Variants in SF1 observed in about 807,000 individuals in gnomAD.
SF1 encodes splicing factor 1.
A neutral mutation model predicts 62.5 loss-of-function variants in SF1; 7 were observed. That is an observed-to-expected ratio of 0.11 (90% CI 0.06 to 0.21). SF1 has a LOEUF of 0.21. Ranked by LOEUF, SF1 falls within the 10% of genes least tolerant of loss-of-function variation. SF1 has a pLI of 1.00. For missense variants in SF1, 578 were observed against 884.0 expected, an observed-to-expected ratio of 0.65 and a Z score of 4.39; for synonymous variants, 394 against 323.6, an observed-to-expected ratio of 1.22 and a Z score of -2.33.
intron 1 of SF1, chr11:64,778,103 G>T: frequency 1.1e-6 from 1 of 910,216 alleles, no homozygotes; most frequent in Non-Finnish European, 1.3e-6. Flanking sequence ...CTGCGGCGGC[G>T]GGTACGAGGC....
intron 3 of SF1, chr11:64,772,435 T>C: frequency 3.0e-6 from 3 of 985,264 alleles, no homozygotes; most frequent in Non-Finnish European, 3.6e-6. Flanking sequence ...AGAGTCAATA[T>C]GGAGAAACAA....
chr11:64,766,270 G>A (rs1446931350), intron 12 of SF1, 115 bp from the exon 13 acceptor site: 6 of 584,172 alleles, frequency 1.0e-5, no homozygotes, highest in South Asian at 4.0e-5. Flanking sequence ...CATGCGGTAC[G>A]GTGGTGGGGG....
intron 8 of SF1, among the ~76,000 whole-genome samples, chr11:64,768,718 C>T (rs1937776486): frequency 6.6e-6 from 1 of 152,240 alleles, no homozygotes; most frequent in Admixed American, 6.5e-5. Context: ...GGTCAGAAAT[C>T]TGTAGAGATT....
Position 64,765,209 on chromosome 11 carries a change from AAGG to A in SF1, c.*606_*608del. The A allele has an allele frequency of 2.4e-6, 1 of 413,538 alleles. No homozygotes were observed. Among genetic ancestry groups the A allele is most frequent in the Admixed American group, 4.2e-5 (1 of 23,818 alleles). The allele number at this position is 413,538 out of a possible 1,614,324, so 25.6% of individuals were successfully genotyped here. A position where few individuals can be genotyped will look rare whatever the true frequency, so the allele number is the denominator to read the frequency against. ...TTTGCTCCCCTCTCCTTGGTAAGGGAAGGAGAACTGGAGAGAAGGGAAAGGAAT... is the reference window on the plus strand; with the variant it reads ...TTTGCTCCCCTCTCCTTGGTAAGGGAAGAACTGGAGAGAAGGGAAAGGAAT... On this transcript the variant is annotated 3_prime_UTR_variant, in exon 13 of 13. Coordinates refer to ENST00000377390, the MANE Select transcript of SF1 (RefSeq NM_004630.4).
chr11:64,775,946 A>G (rs1172821145), intron 2 of SF1: 1 of 156,250 alleles, frequency 6.4e-6, no homozygotes, highest in Non-Finnish European at 1.4e-5. Context: ...CAAACCAGAA[A>G]AGATGTTGAA....
At chr11:64,767,124 G>T in intron 11 of SF1, 45 bp from the exon 12 acceptor site, 1 of 1,611,732 alleles carries the variant, frequency 6.2e-7, no homozygotes, top group East Asian at 2.2e-5. Flanking sequence ...GGAAAGGCGG[G>T]GACTTGGGCC....
In SF1 at chr11:64,767,004, G is replaced by A; in HGVS notation, c.1478C>T (p.Pro493Leu). The change falls in exon 12 of 13, where the codon CCC becomes CTC. Residue 493 changes from proline (P) to leucine (L), a missense_variant. Transcript: ENST00000377390. ...TTGCCATGGGGGAAGAGGACCAGAGGGAGGGGGTGGGGGCTGCCCACTGGG... is the reference window on the plus strand; with the variant it reads ...TTGCCATGGGGGAAGAGGACCAGAGAGAGGGGGTGGGGGCTGCCCACTGGG... ...PPPSGQPPPP[P>L]SGPLPPWQQQ... 4 of 1,532,402 alleles carry A rather than the reference G, an allele frequency of 2.6e-6. No homozygotes were observed. Among genetic ancestry groups the A allele is most frequent in the South Asian group, 1.3e-5 (1 of 77,810 alleles). 94.9% of individuals were successfully genotyped at this position (1,532,402 alleles called of 1,614,324 possible). A position where few individuals can be genotyped will look rare whatever the true frequency, so the allele number is the denominator to read the frequency against.
In SF1 at chr11:64,765,413, T is replaced by C. The variant is rs2058572474; in HGVS notation, c.*405A>G. The C allele has an allele frequency of 7.5e-6, 11 of 1,458,360 alleles. No individual in the cohort carries two copies. Among genetic ancestry groups the C allele is most frequent in the South Asian group, 2.3e-5 (2 of 87,768 alleles). The allele number at this position is 1,458,360 out of a possible 1,614,324, so 90.3% of individuals were successfully genotyped here. A position where few individuals can be genotyped will look rare whatever the true frequency, so the allele number is the denominator to read the frequency against. On this transcript the variant is annotated 3_prime_UTR_variant, in exon 13 of 13. Transcript: ENST00000377390. ...CTCAGGCTGCTTTGCCGAACCATCC[T>C]GTCCACCAGGGGCGTTGCTGAGGCT...
chr11:64,778,114 G>A (rs2136001244), intron 1 of SF1: 1 of 862,642 alleles, frequency 1.2e-6, no homozygotes, highest in Non-Finnish European at 1.4e-6. Context: ...GGTACGAGGC[G>A]CCGGGGGACG....
At chr11:64,766,485 G>C (rs2058679954) in intron 12 of SF1, 1 of 467,086 alleles carries the variant, frequency 2.1e-6, no homozygotes, top group Non-Finnish European at 3.8e-6. Flanking sequence ...TCAACCTCAA[G>C]GCCACAGCTG....
At chr11:64,769,402 T>A in intron 6 of SF1, 24 bp downstream of exon 6, 1 of 1,613,444 alleles carries the variant, frequency 6.2e-7, no homozygotes, top group Non-Finnish European at 8.5e-7. Flanking sequence ...GCTAGGAGGC[T>A]TCCTTTCTGG....
chr11:64,774,728 G>A (rs556332747), intron 2 of SF1, among the ~76,000 whole-genome samples: 18 of 152,272 alleles, frequency 1.2e-4, no homozygotes, highest in African/African-American at 4.3e-4. Flanking sequence ...GGGAGGCCAA[G>A]GCAGGCAGAT....
intron 12 of SF1, 35 bp downstream of exon 12, chr11:64,766,865 C>T (rs1043085809): frequency 8.9e-6 from 8 of 898,494 alleles, no homozygotes; most frequent in African/African-American, 8.4e-5. Flanking sequence ...ACCCCCATCC[C>T]ACCCACCCCC....
chr11:64,765,049 C>G lies in SF1; in HGVS notation c.*769G>C, dbSNP rs1019112460. On this transcript the variant is annotated 3_prime_UTR_variant, in exon 13 of 13. Transcript: ENST00000377390. ...GATGAACCTACCCTCGGCAACTTTACAAGACTCCCTTGACAAGGGTGGCAG... is the reference window on the plus strand; with the variant it reads ...GATGAACCTACCCTCGGCAACTTTAGAAGACTCCCTTGACAAGGGTGGCAG... 1.3e-5 allele frequency: 2 copies of G among 155,976 alleles called. No individual in the cohort carries two copies. The allele number at this position is 155,976 out of a possible 1,614,324, so 9.7% of individuals were successfully genotyped here.
intron 2 of SF1, among the ~76,000 whole-genome samples, chr11:64,775,814 C>T (rs1360218023): frequency 6.6e-6 from 1 of 152,180 alleles, no homozygotes; most frequent in Non-Finnish European, 1.5e-5. Flanking sequence ...CTCAAAACCT[C>T]CCAGCAAATA....
rs189757441 is a variant in SF1 at position 64,777,418 on chromosome 11, A to T, written c.32-792T>A. Reference sequence around the variant, plus strand: ...AGATCTAAACATACTGAACAGATTTAAAAAAAAAAACAAACTAAAATTCTC... The same window carrying T: ...AGATCTAAACATACTGAACAGATTTTAAAAAAAAAACAAACTAAAATTCTC... On this transcript the variant is annotated intron_variant, in intron 1 of 12. Coordinates refer to ENST00000377390, the MANE Select transcript of SF1 (RefSeq NM_004630.4). 95 of 582,476 alleles carry T rather than the reference A, an allele frequency of 1.6e-4. 2 individuals are homozygous for T. Among genetic ancestry groups the T allele is most frequent in the African/African-American group, 1.1e-3 (51 of 48,510 alleles). 36.1% of individuals were successfully genotyped at this position (582,476 alleles called of 1,614,324 possible).
chr11:64,769,397 G>C (rs750771343), intron 6 of SF1, 29 bp downstream of exon 6: 2 of 1,613,558 alleles, frequency 1.2e-6, no homozygotes, highest in East Asian at 4.5e-5. Flanking sequence ...TTTCTGCTAG[G>C]AGGCTTCCTT....
chr11:64,765,786 A>G lies in SF1; in HGVS notation c.*32T>C. The stretch of plus-strand genomic sequence containing the variant: ...TGTTTAAACGAGACCAATTCTCTCT[A>G]TATATAATATATATTTTCTTAAAAA... On this transcript the variant is annotated 3_prime_UTR_variant, in exon 13 of 13. Coordinates refer to ENST00000377390, the MANE Select transcript of SF1 (RefSeq NM_004630.4). The G allele has an allele frequency of 6.6e-7, 1 of 1,515,020 alleles. No individual in the cohort carries two copies. Among genetic ancestry groups the G allele is most frequent in the Non-Finnish European group, 8.8e-7 (1 of 1,133,598 alleles). The allele number at this position is 1,515,020 out of a possible 1,614,324, so 93.8% of individuals were successfully genotyped here. A position where few individuals can be genotyped will look rare whatever the true frequency, so the allele number is the denominator to read the frequency against.
chr11:64,773,259 A>G, intron 3 of SF1, 171 bp downstream of exon 3: 1 of 1,420,206 alleles, frequency 7.0e-7, no homozygotes, highest in Non-Finnish European at 9.2e-7. Flanking sequence ...CCAATTTTCT[A>G]ACTGTTGACT....
Sources: allele counts gnomAD v4.1 joint callset (sites outside exome capture counted in the v4.1 genomes callset), GRCh38; gene constraint gnomAD v4.1.1; transcripts MANE v1.5; gene names NCBI Gene and HGNC (gene_info 2026-07-23, HGNC 2026-07-21).